Variants in CRELD2 observed in about 807,000 individuals in gnomAD.
The protein encoded by CRELD2 is protein disulfide isomerase CRELD2.
Under a neutral mutation model 48.1 loss-of-function variants are expected in CRELD2, and 33 were observed. That is an observed-to-expected ratio of 0.69 (90% CI 0.52 to 0.92). The LOEUF is 0.92. CRELD2 is among the 40% of genes least tolerant of loss of function. The pLI is 0.00. For missense variants in CRELD2, 477 were observed against 482.4 expected (o/e 0.99, Z 0.10); for synonymous variants, 220 against 203.9 (o/e 1.08, Z -0.67).
rs905187509 is a variant in CRELD2, at chr22:49,919,175, C to G, written c.130-55C>G. On this transcript the variant is annotated intron_variant, in intron 1 of 9. Transcript: ENST00000328268. ...CTCACCCTCGACCTGGGCTCGCCCC[C>G]ACCCTGGACCCGGGTCAGGTGGTAC... The G allele has an allele frequency of 4.5e-5, 70 of 1,565,056 alleles. 3 individuals are homozygous for G. The South Asian group carries it at 7.0e-4, about 16-fold the overall frequency.
chr22:49,923,422 C>T (rs2060723883), intron 7 of CRELD2, 105 bp downstream of exon 7: 1 of 860,274 alleles, frequency 1.2e-6, no homozygotes, highest in Non-Finnish European at 1.9e-6. Context: ...TACATCCTGC[C>T]TGCCCTGAGA....
At chr22:49,920,275 C>T in intron 4 of CRELD2, 28 bp downstream of exon 4, 1 of 1,445,410 alleles carries the variant, frequency 6.9e-7, no homozygotes, top group African/African-American at 1.4e-5. Context: ...GAAATCCCAT[C>T]TCCTACGTCA....
intron 3 of CRELD2, 37 bp from the exon 4 acceptor site, chr22:49,920,119 C>T (rs2060667019): frequency 7.4e-7 from 1 of 1,359,420 alleles, no homozygotes; most frequent in African/African-American, 1.4e-5. Context: ...AGAACCGTGT[C>T]TGCTGGGATT....
chr22:49,919,178 C>T, intron 1 of CRELD2, 52 bp from the exon 2 acceptor site: 4 of 1,580,292 alleles, frequency 2.5e-6, no homozygotes, highest in Non-Finnish European at 3.5e-6. Context: ...TCGCCCCCAC[C>T]CTGGACCCGG....
chr22:49,922,928 G>GT (rs2060716244), intron 6 of CRELD2, among the ~76,000 whole-genome samples: 2 of 80,462 alleles, frequency 2.5e-5, no homozygotes, highest in Admixed American at 1.0e-4. Context: ...GGCGTGAGGT[G>GT]GGGGCGTGAG....
intron 7 of CRELD2, chr22:49,923,922 C>T (rs1405583122): frequency 4.1e-6 from 1 of 242,952 alleles, no homozygotes; most frequent in Admixed American, 5.2e-5. Flanking sequence ...GAGGAGGCCG[C>T]CTCTGCCCCG....
At chr22:49,925,283 T>G (rs958406235) in intron 8 of CRELD2, 134 bp from the exon 9 acceptor site, 6 of 686,380 alleles carry the variant, frequency 8.7e-6, no homozygotes, top group Non-Finnish European at 1.5e-5. Flanking sequence ...TCCTGATCTT[T>G]GCTCCTTTCT....
At chr22:49,922,788 T>TGTGAGATGGGGGCGTAAGGCGTGGGGGGG (rs1569185699) in intron 6 of CRELD2, 81 bp downstream of exon 6, 23 of 64,214 alleles carry the variant, frequency 3.6e-4, no homozygotes, top group African/African-American at 1.4e-3. Context: ...GCGTGGGGGG[T>TGTGAGATGGGGGCGTAAGGCGTGGGGGGG]GTGAGGCATG....
In CRELD2 at chr22:49,918,849, A is replaced by G; in HGVS notation, c.80A>G (p.Lys27Arg). 2 of 1,320,478 alleles carry G rather than the reference A, an allele frequency of 1.5e-6. No homozygotes were observed. Among genetic ancestry groups the G allele is most frequent in the South Asian group, 2.0e-5 (1 of 49,724 alleles). The allele number at this position is 1,320,478 out of a possible 1,614,324, so 81.8% of individuals were successfully genotyped here. The change falls in exon 1 of 10, where the codon AAG (lysine) becomes AGG (arginine). Residue 27 changes from lysine (K) to arginine (R), a missense_variant. By Grantham distance (26) the Lys-to-Arg change is conservative. Transcript: ENST00000328268. ...CCGCCCGCGCCGGAGGCCGCCAAGAAGCCGACGCCCTGCCACCGGTGCCGG... is the reference window on the plus strand; with the variant it reads ...CCGCCCGCGCCGGAGGCCGCCAAGAGGCCGACGCCCTGCCACCGGTGCCGG... Reference protein sequence around the residue: ...LLPPAPEAAKKPTPCHRCRGL... With the variant: ...LLPPAPEAAKRPTPCHRCRGL...
chr22:49,919,942 A>G (rs2060663922), intron 3 of CRELD2, 102 bp downstream of exon 3: 4 of 947,910 alleles, frequency 4.2e-6, no homozygotes, highest in Admixed American at 2.3e-5. Context: ...GGGAGCTCCC[A>G]CCTGCCTCGC....
Position 49,921,659 on chromosome 22 carries a change from G to A in CRELD2, c.490G>A (p.Gly164Arg), listed in dbSNP as rs770929809. 24 of 1,612,682 alleles carry A rather than the reference G, an allele frequency of 1.5e-5. No individual in the cohort carries two copies. The highest frequency in any genetic ancestry group is 4.5e-5 in the East Asian group (2 of 44,900). Residue 164 changes from glycine (G) to arginine (R), a missense_variant, in exon 5 of 10, where the codon GGG becomes AGG. Gly to Arg is a moderately radical substitution (Grantham distance 125). Coordinates refer to ENST00000328268, the MANE Select transcript of CRELD2 (RefSeq NM_024324.5). ...CGGAGATGGGAGCAGACAGGGCGAC[G>A]GGTCCTGCCGGTGCCACATGGGGTA... is the stretch of plus-strand genomic sequence containing the variant. ...CSGDGSRQGD[G>R]SCRCHMGYQG...
chr22:49,924,075 G>A (rs1383936908), intron 7 of CRELD2: 5 of 289,020 alleles, frequency 1.7e-5, no homozygotes, highest in Middle Eastern at 2.2e-3. Flanking sequence ...AATGGTCACC[G>A]AGCTGGAGGT....
intron 5 of CRELD2, 145 bp from the exon 6 acceptor site, chr22:49,922,467 C>T: frequency 6.4e-7 from 1 of 1,557,066 alleles, no homozygotes; most frequent in South Asian, 1.2e-5. Context: ...CCTTGGAGTC[C>T]TGGTTTGCTG....
At chr22:49,921,879 G>A in intron 5 of CRELD2, 118 bp downstream of exon 5, 1 of 1,100,816 alleles carries the variant, frequency 9.1e-7, no homozygotes, top group Non-Finnish European at 1.3e-6. Context: ...AGATGTCCAA[G>A]GAAGCTTCGA....
intron 9 of CRELD2, 136 bp downstream of exon 9, chr22:49,925,693 G>A (rs565124375): frequency 8.0e-6 from 12 of 1,502,108 alleles, no homozygotes; most frequent in Non-Finnish European, 8.9e-6. Flanking sequence ...CGGAAGACAG[G>A]TGCATGACAT....
rs150525447 is a variant in CRELD2 at position 49,923,309 on chromosome 22, C to G, written c.764C>G (p.Thr255Arg). The G allele has an allele frequency of 1.2e-6, 2 of 1,612,036 alleles. No individual in the cohort carries two copies. The highest frequency in any genetic ancestry group is 1.7e-6 in the Non-Finnish European group (2 of 1,179,578). The change falls in exon 7 of 10, where the codon ACG becomes AGG. Residue 255 changes from threonine (T) to arginine (R), a missense_variant. Coordinates refer to ENST00000328268, the MANE Select transcript of CRELD2 (RefSeq NM_024324.5). ...TGTAAGAACGCCAACGGCTCCTACACGTGCGAAGGTGGGCCAGGCGGGCGG... is the reference window on the plus strand; with the variant it reads ...TGTAAGAACGCCAACGGCTCCTACAGGTGCGAAGGTGGGCCAGGCGGGCGG... ...QFCKNANGSY[T>R]CEECDSSCVG...
intron 9 of CRELD2, 125 bp from the exon 10 acceptor site, chr22:49,927,130 G>C: frequency 4.8e-6 from 4 of 836,062 alleles, no homozygotes; most frequent in Non-Finnish European, 8.2e-6. Context: ...TTGGATGGCT[G>C]CGTCCGGGGC....
At chr22:49,923,930 C>A in intron 7 of CRELD2, 1 of 237,996 alleles carries the variant, frequency 4.2e-6, no homozygotes, top group Non-Finnish European at 8.3e-6. Context: ...CGCCTCTGCC[C>A]CGTGTGTGTG....
rs759335252 is a variant in CRELD2, at chr22:49,923,241, C to T, written c.696C>T (p.Asp232=). The T allele has an allele frequency of 1.3e-5, 20 of 1,578,730 alleles. No homozygotes were observed. Among genetic ancestry groups the T allele is most frequent in the South Asian group, 2.4e-5 (2 of 84,092 alleles). ...VLDEGACVDV[D]ECAAEPPPCS... ...TGTGCCGCTCTGTTCCAGATGTGGACGAGTGTGCGGCCGAGCCGCCTCCCT... is the reference window on the plus strand; with the variant it reads ...TGTGCCGCTCTGTTCCAGATGTGGATGAGTGTGCGGCCGAGCCGCCTCCCT... Residue 232 remains aspartate (D), a synonymous_variant, in exon 7 of 10, where the codon GAC becomes GAT. Transcript: ENST00000328268.
Sources: gnomAD v4.1 joint callset for allele counts (sites outside exome capture counted in the v4.1 genomes callset) on GRCh38, gnomAD v4.1.1 for gene constraint, MANE v1.5 for transcripts, NCBI Gene and HGNC (gene_info 2026-07-23, HGNC 2026-07-21) for gene names.